The following ASS1 variants were observed in gnomAD, a reference collection of about 807,000 sequenced individuals.
ASS1 encodes the protein argininosuccinate synthase.
A neutral mutation model predicts 60.5 loss-of-function variants in ASS1; 58 were observed. That is an observed-to-expected ratio of 0.96 (90% CI 0.78 to 1.19). The LOEUF (loss-of-function observed/expected upper bound fraction) is 1.19. Among genes scored for constraint, ASS1 ranks in the 50% most tolerant of loss-of-function variants. The pLI, the probability that ASS1 is intolerant of heterozygous loss-of-function variation, is 0.00. For synonymous variants in ASS1, 200 were observed against 206.9 expected (o/e 0.97, Z 0.29); for missense variants, 454 against 547.3 (o/e 0.83, Z 1.70).
Position 130,501,050 on chromosome 9 carries a change from C to T in ASS1, c.*29C>T. 1 of 1,600,146 alleles carries T rather than the reference C, an allele frequency of 6.2e-7. No homozygotes were observed. Among genetic ancestry groups the T allele is most frequent in the South Asian group, 1.1e-5 (1 of 90,816 alleles). On this transcript the variant is annotated 3_prime_UTR_variant, in exon 15 of 15. Coordinates refer to ENST00000352480, the MANE Select transcript of ASS1 (RefSeq NM_054012.4). ...CGTGTACAATGAGGAGCTGGGGCCT[C>T]CTCAATTTGCAGATCCCCCAAGTAC...
chr9:130,462,560 G>C (rs892165775), intron 4 of ASS1, among the ~76,000 whole-genome samples: 4 of 152,194 alleles, frequency 2.6e-5, no homozygotes, highest in Non-Finnish European at 5.9e-5. Flanking sequence ...CATCTGGATG[G>C]GCAGACAGCA....
At chr9:130,450,079 T>C (rs1845293341) in intron 1 of ASS1, among the ~76,000 whole-genome samples, 1 of 152,140 alleles carries the variant, frequency 6.6e-6, no homozygotes, top group Admixed American at 6.5e-5. Context: ...GGGGTAGGCT[T>C]CCACATATTT....
intron 3 of ASS1, among the ~76,000 whole-genome samples, chr9:130,458,021 T>C (rs771257306): frequency 1.3e-5 from 2 of 151,996 alleles, no homozygotes; most frequent in African/African-American, 2.4e-5. Flanking sequence ...TAGCAAGCCA[T>C]GGTGGCATGC....
At chr9:130,500,765 A>G (rs1255714702) in intron 14 of ASS1, among the ~76,000 whole-genome samples, 1 of 152,122 alleles carries the variant, frequency 6.6e-6, no homozygotes, top group Non-Finnish European at 1.5e-5. Context: ...AATGACAAAC[A>G]ATGTTTTCCC....
chr9:130,450,273 G>A, intron 1 of ASS1: 1 of 988,162 alleles, frequency 1.0e-6, no homozygotes, highest in Non-Finnish European at 1.2e-6. Flanking sequence ...CTTTTGCAGA[G>A]TGGTTCACTG....
At chr9:130,455,146 TC>T (rs1845420363) in intron 3 of ASS1, among the ~76,000 whole-genome samples, 1 of 149,504 alleles carries the variant, frequency 6.7e-6, no homozygotes, top group African/African-American at 2.5e-5. Context: ...CATCCATCCA[TC>T]CATCCATCAT....
intron 13 of ASS1, among the ~76,000 whole-genome samples, chr9:130,496,536 A>T (rs182651065): frequency 3.3e-4 from 48 of 147,354 alleles, no homozygotes; most frequent in African/African-American, 1.1e-3. Flanking sequence ...GGCTGCAGTG[A>T]GCCAGGATTG....
At chr9:130,500,370 A>G (rs1164662183) in intron 14 of ASS1, among the ~76,000 whole-genome samples, 2 of 152,202 alleles carry the variant, frequency 1.3e-5, no homozygotes, top group Non-Finnish European at 2.9e-5. Context: ...TCACACAGCT[A>G]GGAGGTGGTG....
rs1031792678 is a variant in ASS1, at chr9:130,501,126, G to T, written c.*105G>T. On this transcript the variant is annotated 3_prime_UTR_variant, in exon 15 of 15. Coordinates refer to ENST00000352480, the MANE Select transcript of ASS1 (RefSeq NM_054012.4). ...TAATTGTGACTTGTTCTCCCCGGCT[G>T]GCAGCGTAGTGGGGCTGCCAGGCCC... 34 of 1,332,450 alleles carry T rather than the reference G, an allele frequency of 2.6e-5. No individual in the cohort carries two copies. Among genetic ancestry groups the T allele is most frequent in the Non-Finnish European group, 3.5e-5 (33 of 940,468 alleles). The allele number at this position is 1,332,450 out of a possible 1,614,324, so 82.5% of individuals were successfully genotyped here.
chr9:130,484,797 ACG>A (rs886571363), intron 11 of ASS1, among the ~76,000 whole-genome samples: 2 of 100,868 alleles, frequency 2.0e-5, no homozygotes, highest in Admixed American at 1.2e-4. Flanking sequence ...AGAGCTTTAA[ACG>A]CACACACACA....
Position 130,477,921 on chromosome 9 carries a change from G to C in ASS1, c.688+960G>C, listed in dbSNP as rs910732481. ...CTCTTACCCCGGCTACCACAGAAAG[G>C]AGGATAGGGTGGGGAAGCCTCAGGC... On this transcript the variant is annotated intron_variant, in intron 9 of 14. Coordinates refer to ENST00000352480, the MANE Select transcript of ASS1 (RefSeq NM_054012.4). This position sits in a 1 kb window ranked among gnomAD's most constrained non-coding sequence, Gnocchi z 4.2. Among the ~76,000 whole-genome samples the C allele has an allele frequency of 3.3e-5, 5 of 152,194 alleles. No individual in the cohort carries two copies. The highest frequency in any genetic ancestry group is 1.2e-4 in the African/African-American group (5 of 41,452).
chr9:130,480,016 G>A (rs1846128678), intron 10 of ASS1: 2 of 717,376 alleles, frequency 2.8e-6, no homozygotes, highest in Non-Finnish European at 5.1e-6. Flanking sequence ...AACCCCAGGA[G>A]GTCTCCTGCC....
intron 6 of ASS1, among the ~76,000 whole-genome samples, chr9:130,467,889 T>C (rs187189336): frequency 6.6e-6 from 1 of 152,224 alleles, no homozygotes; most frequent in Admixed American, 6.5e-5. Flanking sequence ...TTCCGTTAAG[T>C]CCCCAGACAA....
At chr9:130,468,401 C>T (rs1358981794) in intron 6 of ASS1, among the ~76,000 whole-genome samples, 1 of 143,392 alleles carries the variant, frequency 7.0e-6, no homozygotes, top group Non-Finnish European at 1.6e-5. Context: ...TTGTCACTGT[C>T]ACCATAATTT....
chr9:130,476,619 G>A lies in ASS1; in HGVS notation c.598-252G>A. 1 of 581,996 alleles carries A rather than the reference G, an allele frequency of 1.7e-6. No individual in the cohort carries two copies. Among genetic ancestry groups the A allele is most frequent in the Non-Finnish European group, 3.1e-6 (1 of 324,752 alleles). 36.1% of individuals were successfully genotyped at this position (581,996 alleles called of 1,614,324 possible). A position where few individuals can be genotyped will look rare whatever the true frequency, so the allele number is the denominator to read the frequency against. On this transcript the variant is annotated intron_variant, in intron 8 of 14. Transcript: ENST00000352480. The surrounding 1 kb of genome is among the most constrained non-coding windows in gnomAD (Gnocchi z 4.9). ...TCCAGCTATTCTACCTCCAGCTGTG[G>A]GGGCGTCGAAGAAAAAGATGAGATC...
At chr9:130,457,116 T>G (rs905637753) in intron 3 of ASS1, among the ~76,000 whole-genome samples, 1 of 152,376 alleles carries the variant, frequency 6.6e-6, no homozygotes, top group African/African-American at 2.4e-5. Flanking sequence ...CTTCCATTTT[T>G]GCAAATCTCT....
intron 11 of ASS1, among the ~76,000 whole-genome samples, chr9:130,484,799 GCACACACACACACACA>G (rs3030699): frequency 1.4e-5 from 2 of 146,604 alleles, no homozygotes; most frequent in South Asian, 4.4e-4. Context: ...AGCTTTAAAC[GCACACACACACACACA>G]CACACACACA....
Position 130,471,524 on chromosome 9 carries a change from C to G in ASS1, c.597+9C>G. The G allele has an allele frequency of 6.2e-7, 1 of 1,613,760 alleles. No homozygotes were observed. Among genetic ancestry groups the G allele is most frequent in the Non-Finnish European group, 8.5e-7 (1 of 1,179,664 alleles). On this transcript the variant is annotated intron_variant, in intron 8 of 14. Coordinates refer to ENST00000352480, the MANE Select transcript of ASS1 (RefSeq NM_054012.4). Reference sequence around the variant, plus strand: ...TCCTGGAGAACCCCAAGGTAATCCCCCAAACCCCATCTCCTCCCAGCTGGC... The same window carrying G: ...TCCTGGAGAACCCCAAGGTAATCCCGCAAACCCCATCTCCTCCCAGCTGGC...
chr9:130,499,165 C>G (rs1263721973), intron 13 of ASS1, among the ~76,000 whole-genome samples: 1 of 152,182 alleles, frequency 6.6e-6, no homozygotes, highest in East Asian at 1.9e-4. Flanking sequence ...CTGGCTTGGA[C>G]GAGTTACCCA....
Sources: allele counts gnomAD v4.1 joint callset (sites outside exome capture counted in the v4.1 genomes callset), GRCh38; gene constraint gnomAD v4.1.1; non-coding constraint Gnocchi (gnomAD v3.1); transcripts MANE v1.5; gene names NCBI Gene and HGNC (gene_info 2026-07-23, HGNC 2026-07-21).